RAB8B: variants seen among roughly 807,000 people sequenced by gnomAD.
RAB8B encodes RAB8B, member RAS oncogene family, also known as ras-related protein Rab-8B.
A neutral mutation model predicts 32.0 loss-of-function variants in RAB8B; 11 were observed. The observed-to-expected ratio is 0.34, with a 90% CI of 0.22 to 0.57. The LOEUF (loss-of-function observed/expected upper bound fraction) is 0.57. RAB8B is among the 20% of genes least tolerant of loss of function. The probability of loss-of-function intolerance (pLI) is 0.86; values close to 1 mark genes in which losing one functional copy is unlikely to be tolerated. For synonymous variants in RAB8B, 103 were observed against 89.6 expected, an observed-to-expected ratio of 1.15 and a Z score of -0.85; for missense variants, 190 against 258.5, an observed-to-expected ratio of 0.73 and a Z score of 1.82.
chr15:63,206,918 C>A (rs2037702640), intron 1 of RAB8B, among the ~76,000 whole-genome samples: 1 of 152,130 alleles, frequency 6.6e-6, no homozygotes, highest in Admixed American at 6.5e-5. Flanking sequence ...GTGGTCCTTT[C>A]TCAGTCTTTG....
At chr15:63,197,993 A>G (rs1463301077) in intron 1 of RAB8B, among the ~76,000 whole-genome samples, 1 of 152,180 alleles carries the variant, frequency 6.6e-6, no homozygotes, top group Non-Finnish European at 1.5e-5. Context: ...ATTAGTAAAT[A>G]ATTATTAGAT....
intron 1 of RAB8B, among the ~76,000 whole-genome samples, chr15:63,212,317 G>A (rs1489231143): frequency 6.6e-6 from 1 of 152,198 alleles, no homozygotes; most frequent in Non-Finnish European, 1.5e-5. Flanking sequence ...AACATCCGGG[G>A]TTGTGAGATA....
intron 2 of RAB8B, among the ~76,000 whole-genome samples, chr15:63,245,018 G>A (rs1173636678): frequency 4.6e-5 from 7 of 152,352 alleles, no homozygotes; most frequent in African/African-American, 1.7e-4. Context: ...GGTACTAACT[G>A]TTGAAGCCAG....
chr15:63,263,753 C>G lies in RAB8B; in HGVS notation c.*134C>G, dbSNP rs1476842275. On this transcript the variant is annotated 3_prime_UTR_variant, in exon 8 of 8. Transcript: ENST00000321437. ...ACCACTGAACTTAGACCTCTCAACA[C>G]AGTATGCCAAGTGGATTCCAGCCTC... The G allele has an allele frequency of 1.6e-6, 1 of 622,204 alleles. No homozygotes were observed. The highest frequency in any genetic ancestry group is 1.9e-5 in the African/African-American group (1 of 54,032). 38.5% of individuals were successfully genotyped at this position (622,204 alleles called of 1,614,324 possible). A position where few individuals can be genotyped will look rare whatever the true frequency, so the allele number is the denominator to read the frequency against.
At chr15:63,239,536 C>G (rs1349214524) in intron 1 of RAB8B, among the ~76,000 whole-genome samples, 2 of 151,796 alleles carry the variant, frequency 1.3e-5, no homozygotes, top group African/African-American at 4.8e-5. Flanking sequence ...CCTGCCTTAG[C>G]CTCCCCGCTA....
In RAB8B at chr15:63,264,613, G is replaced by C. The variant is rs562159279; in HGVS notation, c.*994G>C. On this transcript the variant is annotated 3_prime_UTR_variant, in exon 8 of 8. Transcript: ENST00000321437. ...CATAATCCCTGTCTACAAAAGTTAG[G>C]TTTAGATTTTAGTTTGCGGAAACCT... 2.6e-5 allele frequency: 4 copies of C among 152,292 alleles called. No individual in the cohort carries two copies. Among genetic ancestry groups the C allele is most frequent in the Admixed American group, 6.5e-5 (1 of 15,298 alleles). 9.4% of individuals were successfully genotyped at this position (152,292 alleles called of 1,614,324 possible). A position where few individuals can be genotyped will look rare whatever the true frequency, so the allele number is the denominator to read the frequency against.
chr15:63,229,780 C>CAAAAAAAAAAAAAAAAAAAAAAAA lies in RAB8B; in HGVS notation c.125-14969_125-14946dup, dbSNP rs56015501. Among the ~76,000 whole-genome samples, 2 of 35,972 alleles carry CAAAAAAAAAAAAAAAAAAAAAAAA rather than the reference C, an allele frequency of 5.6e-5. 1 individual carries two copies. The allele number at this position is 35,972 out of a possible 152,430, so 23.6% of individuals were successfully genotyped here. The stretch of plus-strand genomic sequence containing the variant: ...TAGGTGACAGAGCAAGACGCTGTTT[C>CAAAAAAAAAAAAAAAAAAAAAAAA]AAAAAAAAAAAAAAAAAAAAAAAAA... On this transcript the variant is annotated intron_variant, in intron 1 of 7. Coordinates refer to ENST00000321437, the MANE Select transcript of RAB8B (RefSeq NM_016530.3).
At chr15:63,209,907 C>A (rs569182045) in intron 1 of RAB8B, among the ~76,000 whole-genome samples, 4 of 152,072 alleles carry the variant, frequency 2.6e-5, no homozygotes, top group South Asian at 4.1e-4. Flanking sequence ...CCTTGCCCCC[C>A]ACTCCCCAAC....
At chr15:63,250,833 A>G (rs1251750952) in intron 3 of RAB8B, among the ~76,000 whole-genome samples, 1 of 151,068 alleles carries the variant, frequency 6.6e-6, no homozygotes, top group African/African-American at 2.4e-5. Flanking sequence ...CCAACCTGGT[A>G]GATTGTAGGG....
chr15:63,238,113 A>G (rs745448404), intron 1 of RAB8B, among the ~76,000 whole-genome samples: 6 of 152,108 alleles, frequency 3.9e-5, no homozygotes, highest in Non-Finnish European at 8.8e-5. Context: ...TTATGCTAGT[A>G]CCATGCCATT....
chr15:63,249,686 C>A lies in RAB8B; in HGVS notation c.227C>A (p.Ala76Glu), dbSNP rs967991134. Reference sequence around the variant, plus strand: ...GAAAGATTCCGAACAATCACGACAGCGTACTACAGAGGAGCCATGGTGAGT... The same window carrying A: ...GAAAGATTCCGAACAATCACGACAGAGTACTACAGAGGAGCCATGGTGAGT... ...GQERFRTITT[A>E]YYRGAMGIML... Residue 76 changes from alanine to glutamate, a missense_variant, in exon 3 of 8, where the codon GCG becomes GAG. Physicochemically the swap from Ala to Glu is moderately radical, Grantham distance 107. Transcript: ENST00000321437. 1 of 1,613,554 alleles carries A rather than the reference C, an allele frequency of 6.2e-7. No homozygotes were observed. Among genetic ancestry groups the A allele is most frequent in the Non-Finnish European group, 8.5e-7 (1 of 1,179,770 alleles).
chr15:63,229,914 G>A (rs1423904682), intron 1 of RAB8B, among the ~76,000 whole-genome samples: 1 of 151,710 alleles, frequency 6.6e-6, no homozygotes, highest in Non-Finnish European at 1.5e-5. Flanking sequence ...ATAGATGAGT[G>A]TAATTGGCCA....
At chr15:63,229,780 CAAAAAAAAAAAAAAAAAA>C (rs56015501) in intron 1 of RAB8B, among the ~76,000 whole-genome samples, 2 of 35,970 alleles carry the variant, frequency 5.6e-5, no homozygotes, top group Non-Finnish European at 1.3e-4. Context: ...GACGCTGTTT[CAAAAAAAAAAAAAAAAAA>C]AAAAAAAAAA....
intron 1 of RAB8B, among the ~76,000 whole-genome samples, chr15:63,217,431 A>G (rs2037802746): frequency 6.6e-6 from 1 of 152,212 alleles, no homozygotes; most frequent in South Asian, 2.1e-4. Flanking sequence ...ACCATGTGCC[A>G]TGTTTTTGGG....
At chr15:63,192,598 A>G (rs1001533987) in intron 1 of RAB8B, among the ~76,000 whole-genome samples, 5 of 152,172 alleles carry the variant, frequency 3.3e-5, no homozygotes, top group African/African-American at 1.2e-4. Context: ...GTAGATATGT[A>G]TGGGTGTCTG....
At chr15:63,244,103 A>G (rs2038052938) in intron 1 of RAB8B, among the ~76,000 whole-genome samples, 1 of 152,194 alleles carries the variant, frequency 6.6e-6, no homozygotes, top group South Asian at 2.1e-4. Context: ...TGGCAATCTA[A>G]TTTCAACCTG....
At chr15:63,252,145 C>T (rs747392997) in intron 3 of RAB8B, among the ~76,000 whole-genome samples, 30 of 151,120 alleles carry the variant, frequency 2.0e-4, no homozygotes, top group Non-Finnish European at 4.0e-4. Flanking sequence ...AAGTTTTAAC[C>T]GATACACTTG....
chr15:63,251,496 A>C (rs926434503), intron 3 of RAB8B, among the ~76,000 whole-genome samples: 2 of 152,150 alleles, frequency 1.3e-5, no homozygotes, highest in Non-Finnish European at 2.9e-5. Flanking sequence ...TTTCACTTGG[A>C]TGTCTGGCTC....
intron 1 of RAB8B, 78 bp from the exon 2 acceptor site, chr15:63,244,678 T>A: frequency 8.5e-7 from 1 of 1,179,946 alleles, no homozygotes; most frequent in Non-Finnish European, 1.2e-6. Flanking sequence ...TTTTTTTCAA[T>A]AGAAATCTTT....
Sources: allele counts gnomAD v4.1 joint callset (sites outside exome capture counted in the v4.1 genomes callset), GRCh38; gene constraint gnomAD v4.1.1; transcripts MANE v1.5; gene names NCBI Gene and HGNC (gene_info 2026-07-23, HGNC 2026-07-21).